PDE9A: variants seen among roughly 807,000 people sequenced by gnomAD.
PDE9A encodes high affinity cGMP-specific 3',5'-cyclic phosphodiesterase 9A.
In PDE9A, 60 loss-of-function variants were observed where a neutral mutation model predicts 87.4. The ratio of observed to expected loss-of-function variants is 0.69; its 90% CI spans 0.56 to 0.85. The LOEUF is 0.85. Ranked by LOEUF, PDE9A falls within the 40% of genes least tolerant of loss-of-function variation. PDE9A has a pLI of 0.00. For missense variants in PDE9A, 665 were observed against 779.0 expected (o/e 0.85, Z 1.74); for synonymous variants, 272 against 279.4 (o/e 0.97, Z 0.27).
chr21:42,729,278 A>G (rs547376272), intron 4 of PDE9A, among the ~76,000 whole-genome samples: 1 of 152,176 alleles, frequency 6.6e-6, no homozygotes, highest in Non-Finnish European at 1.5e-5. Flanking sequence ...TTATGTGTGT[A>G]GAGGCATTTG....
At chr21:42,715,188 CTTT>C (rs369972172) in intron 4 of PDE9A, among the ~76,000 whole-genome samples, 4 of 104,686 alleles carry the variant, frequency 3.8e-5, no homozygotes, top group Admixed American at 2.0e-4. Flanking sequence ...TGCATCTTTA[CTTT>C]TTTTTTTTTT....
intron 4 of PDE9A, chr21:42,700,825 G>A (rs1472546508): frequency 6.6e-6 from 1 of 152,168 alleles, no homozygotes; most frequent in Non-Finnish European, 1.5e-5. Context: ...CCTGTCGTGT[G>A]AATTTACATG....
At chr21:42,734,797 G>T (rs2052216739) in intron 7 of PDE9A, 1 of 152,216 alleles carries the variant, frequency 6.6e-6, no homozygotes, top group Admixed American at 6.5e-5. Flanking sequence ...TTGTCAACGA[G>T]GAAGCCACAG....
chr21:42,654,981 T>C (rs2056939253), intron 1 of PDE9A, among the ~76,000 whole-genome samples: 1 of 152,134 alleles, frequency 6.6e-6, no homozygotes, highest in Non-Finnish European at 1.5e-5. Flanking sequence ...GACGCACAAC[T>C]AGACCCAGGT....
chr21:42,718,384 T>A (rs2050161586), intron 4 of PDE9A, among the ~76,000 whole-genome samples: 1 of 151,838 alleles, frequency 6.6e-6, no homozygotes, highest in Non-Finnish European at 1.5e-5. Flanking sequence ...GTGTTATATG[T>A]GCCATTCTTT....
chr21:42,730,703 TATC>T (rs2051640276), intron 4 of PDE9A, among the ~76,000 whole-genome samples: 1 of 152,230 alleles, frequency 6.6e-6, no homozygotes. Context: ...AATAGCAAAA[TATC>T]ATTCCAGATA....
intron 4 of PDE9A, among the ~76,000 whole-genome samples, chr21:42,726,624 A>ATATATATATATATATTTTTTTTTTTTT: frequency 2.5e-4 from 5 of 19,776 alleles, no homozygotes; most frequent in South Asian, 4.1e-3. Flanking sequence ...ATATATATAT[A>ATATATATATATATATTTTTTTTTTTTT]TTTTTTTTTT....
At chr21:42,667,890 C>G (rs546287627) in intron 1 of PDE9A, among the ~76,000 whole-genome samples, 1 of 152,172 alleles carries the variant, frequency 6.6e-6, no homozygotes, top group South Asian at 2.1e-4. Flanking sequence ...CCCTTTCCCC[C>G]CTGCAGTTCT....
intron 1 of PDE9A, among the ~76,000 whole-genome samples, chr21:42,676,955 G>A (rs1449819651): frequency 2.6e-5 from 4 of 152,216 alleles, no homozygotes; most frequent in Non-Finnish European, 5.9e-5. Context: ...ACAGCAGGGC[G>A]GGCACCAGCA....
intron 1 of PDE9A, among the ~76,000 whole-genome samples, chr21:42,679,556 G>A (rs3819898): frequency 0.3 from 45,952 of 151,820 alleles, 7,487 homozygotes; most frequent in African/African-American, 0.44. Context: ...TGCTGCGCCG[G>A]CCTGAGCTCT....
intron 7 of PDE9A, among the ~76,000 whole-genome samples, chr21:42,740,333 A>T (rs897243720): frequency 2.0e-5 from 3 of 151,936 alleles, no homozygotes; most frequent in Non-Finnish European, 4.4e-5. Flanking sequence ...AGACCCTGTT[A>T]TTCAGGAGGC....
rs1263214925 is a variant in PDE9A at position 42,760,628 on chromosome 21, G to C, written c.1002+196G>C. Among the ~76,000 whole-genome samples, 1 of 151,902 alleles carries C rather than the reference G, an allele frequency of 6.6e-6. No individual in the cohort carries two copies. The highest frequency in any genetic ancestry group is 1.5e-5 in the Non-Finnish European group (1 of 67,966). On this transcript the variant is annotated intron_variant, in intron 12 of 19. Coordinates refer to ENST00000291539, the MANE Select transcript of PDE9A (RefSeq NM_002606.3). This position sits in a 1 kb window ranked among gnomAD's most constrained non-coding sequence, Gnocchi z 5.2. The stretch of plus-strand genomic sequence containing the variant: ...GGCGAGGCTGCTCCTAGGATTACGA[G>C]AGCAGGTGAGTCCCCGACCTGGTCA...
In PDE9A at chr21:42,688,097, G is replaced by C. The variant is rs1473005966; in HGVS notation, c.218+103G>C. The C allele has an allele frequency of 3.1e-6, 3 of 956,794 alleles. No individual in the cohort carries two copies. In the East Asian group the frequency reaches 7.3e-5, roughly 23 times the overall value. 59.3% of individuals were successfully genotyped at this position (956,794 alleles called of 1,614,324 possible). A position where few individuals can be genotyped will look rare whatever the true frequency, so the allele number is the denominator to read the frequency against. On this transcript the variant is annotated intron_variant, in intron 3 of 19. Coordinates refer to ENST00000291539, the MANE Select transcript of PDE9A (RefSeq NM_002606.3). Reference sequence around the variant, plus strand: ...TAAATGTGCTACTGCAGAAAGGTGTGAATTGACAGCAGAGATGGAGAGCGA... The same window carrying C: ...TAAATGTGCTACTGCAGAAAGGTGTCAATTGACAGCAGAGATGGAGAGCGA...
At chr21:42,762,517 G>A (rs925047863) in intron 14 of PDE9A, among the ~76,000 whole-genome samples, 2 of 152,120 alleles carry the variant, frequency 1.3e-5, no homozygotes, top group Non-Finnish European at 2.9e-5. Context: ...TAAATCCTTT[G>A]TCCCTCTTCC....
intron 7 of PDE9A, among the ~76,000 whole-genome samples, chr21:42,737,992 G>A (rs565188061): frequency 2.0e-5 from 3 of 152,096 alleles, no homozygotes; most frequent in East Asian, 1.9e-4. Flanking sequence ...TTTCCCTTAC[G>A]TTACGGATTA....
chr21:42,769,034 G>A lies in PDE9A; in HGVS notation c.1469G>A (p.Arg490His), dbSNP rs758463494. ...LLEEYFMQSDREKSEGLPVAP... is the reference protein window; with the variant it reads ...LLEEYFMQSDHEKSEGLPVAP... ...CTGCTGCATTCCCTGCAGAGCGACC[G>A]TGAGAAGTCAGAAGGCCTTCCTGTG... Residue 490 changes from arginine (R) to histidine (H), a missense_variant, in exon 17 of 20, where the codon CGT (arginine) becomes CAT (histidine). Transcript: ENST00000291539. 33 of 1,611,818 alleles carry A rather than the reference G, an allele frequency of 2.0e-5. No individual in the cohort carries two copies. The Admixed American group carries it at 2.7e-4, about 13-fold the overall frequency.
At position 42,657,672 on chromosome 21, in the gene PDE9A, C is replaced by T. The variant is rs963742901; in HGVS notation, c.69+3789C>T. On this transcript the variant is annotated intron_variant, in intron 1 of 19. Transcript: ENST00000291539. ...TCCAGGCTTGGGTTTGCCAATCTTC[C>T]GAATCGGGGAAGAGAGAGGCCTTTG... 5.3e-5 allele frequency among the ~76,000 whole-genome samples: 8 copies of T among 152,174 alleles called. No individual in the cohort carries two copies. In the East Asian group the frequency reaches 7.7e-4, roughly 15 times the overall value.
At chr21:42,719,847 A>G (rs2839576) in intron 4 of PDE9A, among the ~76,000 whole-genome samples, 107,835 of 151,902 alleles carry the variant, frequency 0.71, 40,137 homozygotes, top group East Asian at 0.94. Flanking sequence ...CACAGATGGA[A>G]TAAAAGCTTT....
chr21:42,674,684 A>G (rs561890843), intron 1 of PDE9A, among the ~76,000 whole-genome samples: 1 of 152,162 alleles, frequency 6.6e-6, no homozygotes, highest in East Asian at 1.9e-4. Context: ...CATTTCCTCC[A>G]GGAACCTTCC....
Sources: gnomAD v4.1 joint callset for allele counts (sites outside exome capture counted in the v4.1 genomes callset) on GRCh38, gnomAD v4.1.1 for gene constraint, Gnocchi (gnomAD v3.1) non-coding constraint, MANE v1.5 for transcripts, NCBI Gene and HGNC (gene_info 2026-07-23, HGNC 2026-07-21) for gene names.